The following VRK1 variants were observed in gnomAD, a reference collection of about 807,000 sequenced individuals.
VRK1 encodes the protein VRK serine/threonine kinase 1.
In VRK1, 33 loss-of-function variants were observed where a neutral mutation model predicts 57.1. The ratio of observed to expected loss-of-function variants is 0.58; its 90% CI spans 0.44 to 0.77. The LOEUF (loss-of-function observed/expected upper bound fraction) is 0.77. VRK1 is among the 30% of genes least tolerant of loss of function. VRK1 has a pLI of 0.00. For missense variants in VRK1, 413 were observed against 477.3 expected (o/e 0.87, Z 1.25); for synonymous variants, 137 against 147.8 (o/e 0.93, Z 0.53).
chr14:96,809,762 A>G (rs972670771), intron 1 of VRK1, among the ~76,000 whole-genome samples: 8 of 151,850 alleles, frequency 5.3e-5, no homozygotes, highest in African/African-American at 1.9e-4. Flanking sequence ...TAGTAGAGAC[A>G]GGGTTTCTCC....
intron 1 of VRK1, among the ~76,000 whole-genome samples, chr14:96,824,665 ATTTTTTTTT>A (rs55945612): frequency 2.9e-5 from 4 of 139,524 alleles, no homozygotes; most frequent in Non-Finnish European, 4.7e-5. Flanking sequence ...AAAAACATTA[ATTTTTTTTT>A]TTTTTTTTTC....
chr14:96,805,984 C>CTT lies in VRK1; in HGVS notation c.-6+8553_-6+8554dup, dbSNP rs368273142. On this transcript the variant is annotated intron_variant, in intron 1 of 12. Coordinates refer to ENST00000216639, the MANE Select transcript of VRK1 (RefSeq NM_003384.3). ...TTCAGTATTATCACAGAGAATTTTTCTTTTTTTTTTTTTTTTTCTGCAGAA... is the reference window on the plus strand; with the variant it reads ...TTCAGTATTATCACAGAGAATTTTTCTTTTTTTTTTTTTTTTTTTCTGCAGAA... Among the ~76,000 whole-genome samples, 537 of 126,370 alleles carry CTT rather than the reference C, an allele frequency of 4.2e-3. 3 individuals are homozygous for CTT. The highest frequency in any genetic ancestry group is 0.014 in the African/African-American group (471 of 34,800). 82.9% of individuals were successfully genotyped at this position (126,370 alleles called of 152,430 possible).
chr14:96,867,999 G>A (rs1464896156), intron 11 of VRK1, among the ~76,000 whole-genome samples: 1 of 151,842 alleles, frequency 6.6e-6, no homozygotes, highest in Admixed American at 6.6e-5. Flanking sequence ...TTTTTTCAAT[G>A]TTTATTATCT....
chr14:96,815,365 A>G (rs1210158863), intron 1 of VRK1, among the ~76,000 whole-genome samples: 1 of 152,196 alleles, frequency 6.6e-6, no homozygotes, highest in Non-Finnish European at 1.5e-5. Context: ...TTTATTTGTT[A>G]TTTAAAAAGA....
At chr14:96,813,958 A>T (rs1490580383) in intron 1 of VRK1, among the ~76,000 whole-genome samples, 1 of 152,040 alleles carries the variant, frequency 6.6e-6, no homozygotes, top group East Asian at 1.9e-4. Context: ...CCTTTGTTTT[A>T]TGGTTATCCT....
At chr14:96,847,227 G>A in intron 4 of VRK1, 30 bp from the exon 5 acceptor site, 1 of 1,579,680 alleles carries the variant, frequency 6.3e-7, no homozygotes, top group South Asian at 1.1e-5. Context: ...TATAACAATT[G>A]AAATCACAAA....
chr14:96,806,975 C>G (rs1180930393), intron 1 of VRK1, among the ~76,000 whole-genome samples: 1 of 152,096 alleles, frequency 6.6e-6, no homozygotes, highest in Admixed American at 6.5e-5. Flanking sequence ...CATTCCTGGC[C>G]CACCATTCTT....
chr14:96,875,871 A>G (rs1942785001), intron 11 of VRK1, among the ~76,000 whole-genome samples, 159 bp from the exon 12 acceptor site: 1 of 152,128 alleles, frequency 6.6e-6, no homozygotes, highest in African/African-American at 2.4e-5. Context: ...CCATTCCTTT[A>G]GGTAACTACT....
At chr14:96,834,798 C>T (rs971896956) in intron 2 of VRK1, among the ~76,000 whole-genome samples, 1 of 152,042 alleles carries the variant, frequency 6.6e-6, no homozygotes, top group Non-Finnish European at 1.5e-5. Flanking sequence ...GGCAAAAATC[C>T]CTGTAAACCA....
intron 7 of VRK1, among the ~76,000 whole-genome samples, chr14:96,854,524 A>G (rs997554969): frequency 6.6e-6 from 1 of 152,194 alleles, no homozygotes; most frequent in Non-Finnish European, 1.5e-5. Context: ...ATGGAATGGA[A>G]GAAAGCCAAG....
intron 12 of VRK1, among the ~76,000 whole-genome samples, chr14:96,878,502 G>A (rs981681468): frequency 3.3e-5 from 5 of 152,150 alleles, no homozygotes; most frequent in Non-Finnish European, 5.9e-5. Flanking sequence ...CGCACTGTGT[G>A]ATCTTTCAGA....
chr14:96,840,506 A>G (rs1248965045), intron 3 of VRK1, among the ~76,000 whole-genome samples: 1 of 152,210 alleles, frequency 6.6e-6, no homozygotes, highest in Non-Finnish European at 1.5e-5. Flanking sequence ...TTTTTGGAAT[A>G]TTCAGCCTGT....
intron 11 of VRK1, among the ~76,000 whole-genome samples, chr14:96,863,163 A>G (rs1173777094): frequency 1.3e-5 from 2 of 152,238 alleles, no homozygotes; most frequent in African/African-American, 2.4e-5. Flanking sequence ...TTTTGGGATG[A>G]CATAAGGCTG....
chr14:96,814,052 A>G (rs1158557323), intron 1 of VRK1, among the ~76,000 whole-genome samples: 1 of 152,164 alleles, frequency 6.6e-6, no homozygotes, highest in Non-Finnish European at 1.5e-5. Context: ...TAATTGTAAT[A>G]TATTAGTTCA....
intron 1 of VRK1, among the ~76,000 whole-genome samples, chr14:96,833,062 C>T (rs1452156124): frequency 2.0e-5 from 3 of 152,156 alleles, no homozygotes; most frequent in Non-Finnish European, 2.9e-5. Context: ...TCAATCTCTG[C>T]ACTGTGTTCT....
chr14:96,852,997 A>G (rs1395912539), intron 6 of VRK1, 58 bp downstream of exon 6: 8 of 1,604,088 alleles, frequency 5.0e-6, no homozygotes, highest in Admixed American at 1.7e-5. Flanking sequence ...AGTAAAGGCT[A>G]GTTTATGTTG....
rs188566841 is a variant in VRK1 at position 96,809,463 on chromosome 14, A to G, written c.-6+12016A>G. On this transcript the variant is annotated intron_variant, in intron 1 of 12. Coordinates refer to ENST00000216639, the MANE Select transcript of VRK1 (RefSeq NM_003384.3). The stretch of plus-strand genomic sequence containing the variant: ...TATAATCATATACTTATGTATATGT[A>G]TGTATCTTTTGGCATACTTTTATAT... Among the ~76,000 whole-genome samples the G allele has an allele frequency of 6.6e-4, 101 of 152,008 alleles. 1 individual carries two copies. The highest frequency in any genetic ancestry group is 2.3e-3 in the African/African-American group (96 of 41,458).
At chr14:96,846,001 G>GA in intron 3 of VRK1, 94 bp from the exon 4 acceptor site, 1 of 1,163,544 alleles carries the variant, frequency 8.6e-7, no homozygotes, top group African/African-American at 1.5e-5. Context: ...ACATTGGACA[G>GA]AAAAATAGAT....
chr14:96,836,010 G>T (rs1887197869), intron 2 of VRK1, among the ~76,000 whole-genome samples: 1 of 152,138 alleles, frequency 6.6e-6, no homozygotes, highest in Non-Finnish European at 1.5e-5. Flanking sequence ...TTAAAGAGTG[G>T]CATACAAGTC....
Sources: gnomAD v4.1 joint callset for allele counts (sites outside exome capture counted in the v4.1 genomes callset) on GRCh38, gnomAD v4.1.1 for gene constraint, MANE v1.5 for transcripts, NCBI Gene and HGNC (gene_info 2026-07-23, HGNC 2026-07-21) for gene names.